Variants in JPH3 observed in about 807,000 individuals in gnomAD.
JPH3 encodes the protein junctophilin-3.
Under a neutral mutation model 59.6 loss-of-function variants are expected in JPH3, and 11 were observed. The observed-to-expected ratio is 0.18, with a 90% CI of 0.12 to 0.31. The LOEUF (loss-of-function observed/expected upper bound fraction) is 0.31. Among genes scored for constraint, JPH3 ranks in the 10% least tolerant of loss-of-function variants. The pLI is 1.00. For synonymous variants in JPH3, 673 were observed against 483.6 expected (o/e 1.39, Z -5.14); for missense variants, 1,202 against 1,105.7 (o/e 1.09, Z -1.24).
chr16:87,677,451 C>G lies in JPH3; in HGVS notation c.1161-6691C>G, dbSNP rs1298630046. Among the ~76,000 whole-genome samples, 4 of 152,198 alleles carry G rather than the reference C, an allele frequency of 2.6e-5. 1 individual carries two copies. The highest frequency in any genetic ancestry group is 5.9e-5 in the Non-Finnish European group (4 of 68,040). Reference sequence around the variant, plus strand: ...AAAAACTCGCCCACCAGGTACCCATCAGGTATCTTATCCAGCATAAGAACA... The same window carrying G: ...AAAAACTCGCCCACCAGGTACCCATGAGGTATCTTATCCAGCATAAGAACA... On this transcript the variant is annotated intron_variant, in intron 2 of 4. Transcript: ENST00000284262.
intron 1 of JPH3, among the ~76,000 whole-genome samples, chr16:87,607,680 C>G (rs968569428): frequency 2.6e-5 from 4 of 152,230 alleles, no homozygotes; most frequent in African/African-American, 9.6e-5. Flanking sequence ...AATCCCTCAT[C>G]TCAACAAAAT....
At chr16:87,674,087 C>G (rs1407728044) in intron 2 of JPH3, among the ~76,000 whole-genome samples, 4 of 151,276 alleles carry the variant, frequency 2.6e-5, no homozygotes, top group African/African-American at 9.7e-5. Context: ...GTAATCCCAA[C>G]ACTTTCGGAG....
intron 4 of JPH3, among the ~76,000 whole-genome samples, chr16:87,691,194 T>C (rs1027149544): frequency 6.8e-6 from 1 of 147,108 alleles, no homozygotes. Flanking sequence ...AGACTCGGTG[T>C]GCGAGGCTGG....
At chr16:87,645,574 G>C (rs570585362) in intron 2 of JPH3, among the ~76,000 whole-genome samples, 77 of 152,352 alleles carry the variant, frequency 5.1e-4, no homozygotes, top group African/African-American at 1.8e-3. Context: ...CAGGCCTGGT[G>C]CTTTGGGGGC....
At chr16:87,623,207 C>T (rs980597241) in intron 1 of JPH3, among the ~76,000 whole-genome samples, 2 of 152,212 alleles carry the variant, frequency 1.3e-5, no homozygotes, top group African/African-American at 4.8e-5. Flanking sequence ...CTGCAAGGAC[C>T]TCAGCACCTT....
rs1002037967 is a variant in JPH3, at chr16:87,602,865, T to G, written c.-282T>G. ...CCGCCGCTCCTGCCCCCTCCCTCCC[T>G]CCTCCCCTCCCCCTCCCCTCCGGTC... On this transcript the variant is annotated 5_prime_UTR_variant, in exon 1 of 5. Transcript: ENST00000284262. The G allele has an allele frequency of 2.5e-4, 9 of 36,402 alleles. No homozygotes were observed. Among genetic ancestry groups the G allele is most frequent in the Non-Finnish European group, 4.6e-4 (9 of 19,490 alleles). The allele number at this position is 36,402 out of a possible 1,614,324, so 2.3% of individuals were successfully genotyped here. A position where few individuals can be genotyped will look rare whatever the true frequency, so the allele number is the denominator to read the frequency against.
At chr16:87,628,948 G>A (rs1309189319) in intron 1 of JPH3, among the ~76,000 whole-genome samples, 2 of 152,134 alleles carry the variant, frequency 1.3e-5, no homozygotes, top group African/African-American at 4.8e-5. Flanking sequence ...CTTGCCCTGG[G>A]TCCACAAATC....
intron 2 of JPH3, among the ~76,000 whole-genome samples, chr16:87,677,174 C>CTA (rs59009330): frequency 0.078 from 9,226 of 118,560 alleles, 687 homozygotes; most frequent in Admixed American, 0.13. Context: ...CACACACGCA[C>CTA]TATATATATA....
rs2033518019 is a variant in JPH3, at chr16:87,689,900, G to A, written c.1540G>A (p.Asp514Asn). 1 of 1,469,610 alleles carries A rather than the reference G, an allele frequency of 6.8e-7. No homozygotes were observed. Among genetic ancestry groups the A allele is most frequent in the African/African-American group, 1.4e-5 (1 of 70,864 alleles). The allele number at this position is 1,469,610 out of a possible 1,614,324, so 91.0% of individuals were successfully genotyped here. The change falls in exon 4 of 5, where the codon GAC (aspartate) becomes AAC (asparagine). Residue 514 changes from aspartate (D) to asparagine (N), a missense_variant. Transcript: ENST00000284262. ...GTCGGTGGACGAGGAGCGGGGCGGG[G>A]ACATCCAGATGCTCCTGGAGGGCCG... Reference protein sequence around the residue: ...QVSVDEERGGDIQMLLEGRAG... With the variant: ...QVSVDEERGGNIQMLLEGRAG...
intron 1 of JPH3, among the ~76,000 whole-genome samples, chr16:87,609,094 C>T (rs1385825464): frequency 6.6e-6 from 1 of 152,212 alleles, no homozygotes; most frequent in East Asian, 1.9e-4. Flanking sequence ...TTCCATGCTC[C>T]AGGAAGGGCT....
intron 2 of JPH3, among the ~76,000 whole-genome samples, chr16:87,649,877 C>T (rs533315259): frequency 1.3e-5 from 2 of 152,204 alleles, no homozygotes; most frequent in Admixed American, 6.5e-5. Flanking sequence ...CCTGCAGCCC[C>T]GCAAAGCCTG....
intron 3 of JPH3, among the ~76,000 whole-genome samples, 182 bp from the exon 4 acceptor site, chr16:87,689,464 G>A (rs1161586209): frequency 2.0e-5 from 3 of 152,030 alleles, no homozygotes; most frequent in South Asian, 4.2e-4. Context: ...GACCACGGGG[G>A]TCCCACAGAG....
chr16:87,663,833 T>C (rs560863094), intron 2 of JPH3, among the ~76,000 whole-genome samples: 9 of 152,228 alleles, frequency 5.9e-5, no homozygotes, highest in African/African-American at 2.2e-4. Flanking sequence ...TGTGCTGCCG[T>C]TTTTATTAGG....
intron 1 of JPH3, among the ~76,000 whole-genome samples, chr16:87,641,834 A>AG (rs1490349185): frequency 6.6e-6 from 1 of 152,266 alleles, no homozygotes; most frequent in Non-Finnish European, 1.5e-5. Context: ...CTGCAACACA[A>AG]GTCCCTCTGG....
At chr16:87,665,917 G>C (rs2032846180) in intron 2 of JPH3, among the ~76,000 whole-genome samples, 1 of 152,170 alleles carries the variant, frequency 6.6e-6, no homozygotes, top group African/African-American at 2.4e-5. Flanking sequence ...CTGCCCCCCA[G>C]GTAGCTGGCT....
chr16:87,654,685 C>T (rs1189999540), intron 2 of JPH3: 2 of 152,324 alleles, frequency 1.3e-5, no homozygotes, highest in South Asian at 2.1e-4. Flanking sequence ...ATCAGCACCT[C>T]AGCCTCGCTG....
chr16:87,690,447 C>G lies in JPH3; in HGVS notation c.2087C>G (p.Thr696Ser). Reference protein sequence around the residue: ...AEPRLLRWDLTFSPPQKSLPV... With the variant: ...AEPRLLRWDLSFSPPQKSLPV... ...CCCCGGTTGCTGCGTTGGGACTTGACCTTCTCCCCGCCCCAGAAATCCTTG... is the reference window on the plus strand; with the variant it reads ...CCCCGGTTGCTGCGTTGGGACTTGAGCTTCTCCCCGCCCCAGAAATCCTTG... The change falls in exon 4 of 5, where the codon ACC (threonine) becomes AGC (serine). Residue 696 changes from threonine (T) to serine (S), a missense_variant. Thr to Ser is a moderately conservative substitution (Grantham distance 58, BLOSUM62 1). Coordinates refer to ENST00000284262, the MANE Select transcript of JPH3 (RefSeq NM_020655.4). The G allele has an allele frequency of 6.7e-7, 1 of 1,488,118 alleles. No homozygotes were observed. Among genetic ancestry groups the G allele is most frequent in the Non-Finnish European group, 8.9e-7 (1 of 1,121,106 alleles). The allele number at this position is 1,488,118 out of a possible 1,614,324, so 92.2% of individuals were successfully genotyped here. A position where few individuals can be genotyped will look rare whatever the true frequency, so the allele number is the denominator to read the frequency against.
Position 87,690,448 on chromosome 16 carries a change from C to A in JPH3, c.2088C>A (p.Thr696=), listed in dbSNP as rs543275147. The change falls in exon 4 of 5, where the codon ACC becomes ACA. Residue 696 remains threonine, a synonymous_variant. Coordinates refer to ENST00000284262, the MANE Select transcript of JPH3 (RefSeq NM_020655.4). ...CCCGGTTGCTGCGTTGGGACTTGAC[C>A]TTCTCCCCGCCCCAGAAATCCTTGC... The part of the protein sequence containing the change: ...AEPRLLRWDL[T]FSPPQKSLPV... 6.1e-6 allele frequency: 9 copies of A among 1,486,938 alleles called. No homozygotes were observed. The East Asian group carries it at 1.4e-4, about 24-fold the overall frequency. 92.1% of individuals were successfully genotyped at this position (1,486,938 alleles called of 1,614,324 possible).
intron 2 of JPH3, among the ~76,000 whole-genome samples, chr16:87,650,310 A>G (rs2032289862): frequency 1.3e-5 from 2 of 152,206 alleles, no homozygotes; most frequent in South Asian, 4.1e-4. Context: ...TCGCACCCAT[A>G]TAAGACAGTG....
Sources: allele counts gnomAD v4.1 joint callset (sites outside exome capture counted in the v4.1 genomes callset), GRCh38; gene constraint gnomAD v4.1.1; transcripts MANE v1.5; gene names NCBI Gene and HGNC (gene_info 2026-07-23, HGNC 2026-07-21).